Variants in NUP210L observed in about 807,000 individuals in gnomAD.
NUP210L encodes the protein nucleoporin 210 like, also known as nuclear pore membrane glycoprotein 210-like.
In NUP210L, 74 loss-of-function variants were observed where a neutral mutation model predicts 208.5. That is an observed-to-expected ratio of 0.35 (90% CI 0.29 to 0.43). The LOEUF (loss-of-function observed/expected upper bound fraction) is 0.43. NUP210L is among the 20% of genes least tolerant of loss of function. The probability of loss-of-function intolerance (pLI) is 1.00; values close to 1 mark genes in which losing one functional copy is unlikely to be tolerated. For synonymous variants in NUP210L, 780 were observed against 816.9 expected, an observed-to-expected ratio of 0.95 and a Z score of 0.77; for missense variants, 1,843 against 2,289.4, an observed-to-expected ratio of 0.81 and a Z score of 3.98.
intron 16 of NUP210L, among the ~76,000 whole-genome samples, chr1:154,081,979 TCAAAAAA>T (rs887334608): frequency 1.8e-4 from 28 of 152,216 alleles, no homozygotes; most frequent in African/African-American, 6.7e-4. Context: ...AGACCCTGTG[TCAAAAAA>T]CAAAAAACAT....
At chr1:154,119,594 A>G (rs113123135) in intron 10 of NUP210L, among the ~76,000 whole-genome samples, 3,046 of 152,236 alleles carry the variant, frequency 0.02, 44 homozygotes, top group Middle Eastern at 0.071. Flanking sequence ...GTCTCAAAAA[A>G]CAAACAAACA....
chr1:154,044,028 T>TA (rs1251494778), intron 27 of NUP210L, among the ~76,000 whole-genome samples: 2 of 151,804 alleles, frequency 1.3e-5, no homozygotes, highest in Admixed American at 6.6e-5. Context: ...ATGCTTTACA[T>TA]AAAAAAAATT....
intron 29 of NUP210L, 34 bp downstream of exon 29, chr1:154,027,472 A>T (rs1250133756): frequency 7.1e-7 from 1 of 1,404,598 alleles, no homozygotes; most frequent in East Asian, 2.3e-5. Context: ...TTAAGCTTAG[A>T]TCCTGGCACT....
At chr1:154,094,035 G>A (rs1656063259) in intron 15 of NUP210L, among the ~76,000 whole-genome samples, 2 of 152,072 alleles carry the variant, frequency 1.3e-5, no homozygotes, top group Non-Finnish European at 2.9e-5. Context: ...TGTAATCCTA[G>A]CACTTTGGGA....
chr1:154,031,030 G>A (rs903624034), intron 27 of NUP210L, among the ~76,000 whole-genome samples: 11 of 152,268 alleles, frequency 7.2e-5, no homozygotes, highest in African/African-American at 2.6e-4. Flanking sequence ...TTACAGGCGT[G>A]AGCCACTGTG....
chr1:154,122,720 A>T (rs6691825), intron 10 of NUP210L, among the ~76,000 whole-genome samples: 46,573 of 151,948 alleles, frequency 0.31, 7,966 homozygotes, highest in Admixed American at 0.45. Flanking sequence ...CACTTATACA[A>T]TGCTGGTGGA....
intron 10 of NUP210L, among the ~76,000 whole-genome samples, chr1:154,119,519 C>T (rs1319746383): frequency 5.3e-5 from 8 of 152,070 alleles, no homozygotes; most frequent in African/African-American, 1.2e-4. Context: ...ACTTGGGAGG[C>T]GGAGGTTGCA....
At chr1:153,995,740 A>T in intron 37 of NUP210L, 1 of 807,798 alleles carries the variant, frequency 1.2e-6, no homozygotes, top group South Asian at 1.3e-5. Flanking sequence ...TTATACCAAG[A>T]TGGATGGGAA....
chr1:154,038,592 G>C (rs1017871144), intron 27 of NUP210L, among the ~76,000 whole-genome samples: 34 of 151,948 alleles, frequency 2.2e-4, no homozygotes, highest in Admixed American at 4.6e-4. Flanking sequence ...TGACCTGCCT[G>C]CCTTGGCCTC....
At chr1:154,042,277 GT>G (rs1282546494) in intron 27 of NUP210L, among the ~76,000 whole-genome samples, 2 of 151,666 alleles carry the variant, frequency 1.3e-5, no homozygotes, top group African/African-American at 4.8e-5. Flanking sequence ...TCTCATGTGT[GT>G]TTTTTGTAGA....
At chr1:154,142,758 G>C (rs371272326) in intron 3 of NUP210L, among the ~76,000 whole-genome samples, 2 of 152,090 alleles carry the variant, frequency 1.3e-5, no homozygotes, top group East Asian at 3.9e-4. Context: ...GTGTGGTGGC[G>C]CGTGCCTGTA....
intron 1 of NUP210L, among the ~76,000 whole-genome samples, 196 bp downstream of exon 1, chr1:154,154,646 C>T (rs886293038): frequency 2.0e-5 from 3 of 152,160 alleles, no homozygotes; most frequent in African/African-American, 2.4e-5. Flanking sequence ...GGAGGATATA[C>T]CACATGAGTA....
intron 12 of NUP210L, among the ~76,000 whole-genome samples, chr1:154,108,332 A>G (rs1656870178): frequency 1.3e-5 from 2 of 152,004 alleles, no homozygotes. Context: ...TAATTTTTGT[A>G]TTTTTAGTAG....
intron 10 of NUP210L, among the ~76,000 whole-genome samples, chr1:154,125,500 C>T (rs78039055): frequency 0.31 from 46,465 of 149,202 alleles, 7,900 homozygotes; most frequent in Admixed American, 0.45. Flanking sequence ...CATGTGCCTG[C>T]AGTCCCAGCT....
intron 1 of NUP210L, among the ~76,000 whole-genome samples, chr1:154,154,589 C>T (rs1192086597): frequency 1.3e-5 from 2 of 152,140 alleles, no homozygotes; most frequent in Non-Finnish European, 2.9e-5. Flanking sequence ...GAGGCCAGTC[C>T]CACATCCCGA....
chr1:154,091,210 C>T (rs1655894823), intron 15 of NUP210L, among the ~76,000 whole-genome samples: 3 of 151,354 alleles, frequency 2.0e-5, no homozygotes, highest in Admixed American at 2.0e-4. Context: ...ATTCTTGTGA[C>T]TCATCCTCCT....
At chr1:154,083,161 T>G (rs1655441611) in intron 16 of NUP210L, among the ~76,000 whole-genome samples, 1 of 152,124 alleles carries the variant, frequency 6.6e-6, no homozygotes, top group African/African-American at 2.4e-5. Context: ...CAGCTTTTAT[T>G]CCCTTATTTG....
intron 10 of NUP210L, among the ~76,000 whole-genome samples, chr1:154,119,308 C>T (rs1027214992): frequency 6.6e-6 from 1 of 151,910 alleles, no homozygotes; most frequent in Non-Finnish European, 1.5e-5. Context: ...ACAGGGCTGG[C>T]TGGGAGAGGT....
intron 27 of NUP210L, 71 bp downstream of exon 27, chr1:154,045,998 A>G: frequency 7.1e-7 from 1 of 1,416,492 alleles, no homozygotes; most frequent in Non-Finnish European, 9.5e-7. Context: ...ACAAAAAGAA[A>G]CTTATGATAA....
Sources: allele counts gnomAD v4.1 joint callset (sites outside exome capture counted in the v4.1 genomes callset), GRCh38; gene constraint gnomAD v4.1.1; transcripts MANE v1.5; gene names NCBI Gene and HGNC (gene_info 2026-07-23, HGNC 2026-07-21).